The following PARD3 variants were observed in gnomAD, a reference collection of about 807,000 sequenced individuals.
PARD3 encodes the protein par-3 family cell polarity regulator, also known as partitioning defective 3 homolog.
PARD3 carries 75 observed loss-of-function variants against 155.4 expected under a neutral mutation model. The ratio of observed to expected loss-of-function variants is 0.48; its 90% confidence interval spans 0.40 to 0.58. The LOEUF is 0.58. Among genes scored for constraint, PARD3 ranks in the 20% least tolerant of loss-of-function variants. PARD3 has a pLI of 0.00. For synonymous variants in PARD3, 576 were observed against 610.5 expected (o/e 0.94, Z 0.83); for missense variants, 1,642 against 1,721.7 (o/e 0.95, Z 0.82).
intron 20 of PARD3, among the ~76,000 whole-genome samples, chr10:34,285,575 C>CAA (rs1052160950): frequency 5.3e-5 from 7 of 131,038 alleles, no homozygotes; most frequent in African/African-American, 1.9e-4. Context: ...GACCTTATTT[C>CAA]AAAAAAAAAA....
chr10:34,325,181 T>C (rs1225824975), intron 19 of PARD3, among the ~76,000 whole-genome samples: 1 of 152,144 alleles, frequency 6.6e-6, no homozygotes, highest in African/African-American at 2.4e-5. Flanking sequence ...GGCTAATCTT[T>C]GTATTTTTAG....
At chr10:34,715,937 T>C (rs1053757292) in intron 1 of PARD3, among the ~76,000 whole-genome samples, 3 of 152,210 alleles carry the variant, frequency 2.0e-5, no homozygotes, top group Non-Finnish European at 2.9e-5. Flanking sequence ...CTAACCTATT[T>C]TGTTTGAAAA....
At chr10:34,560,507 A>T (rs1359662210) in intron 2 of PARD3, among the ~76,000 whole-genome samples, 4 of 152,226 alleles carry the variant, frequency 2.6e-5, no homozygotes, top group Non-Finnish European at 4.4e-5. Flanking sequence ...AAAACAAAAC[A>T]ATCTACTAAG....
Position 34,208,804 on chromosome 10 carries a change from G to A in PARD3, c.3419+60853C>T, listed in dbSNP as rs75226588. Among the ~76,000 whole-genome samples, 6 of 152,108 alleles carry A rather than the reference G, an allele frequency of 3.9e-5. No homozygotes were observed. In the East Asian group the frequency reaches 9.6e-4, roughly 24 times the overall value. ...CAGCATGGTGTGGGGCAAGCATTCT[G>A]AGTTCCTTTCAGACATTTAACAATC... On this transcript the variant is annotated intron_variant, in intron 22 of 24. Coordinates refer to ENST00000374788, the MANE Select transcript of PARD3 (RefSeq NM_001184785.2).
chr10:34,402,927 A>G (rs758201143), intron 5 of PARD3, among the ~76,000 whole-genome samples: 5 of 152,184 alleles, frequency 3.3e-5, no homozygotes, highest in Non-Finnish European at 7.3e-5. Context: ...CACTATTATT[A>G]ATAGTTAAAA....
chr10:34,610,806 T>C (rs756277087), intron 2 of PARD3, among the ~76,000 whole-genome samples: 1 of 152,280 alleles, frequency 6.6e-6, no homozygotes, highest in South Asian at 2.1e-4. Context: ...AAGTTTGATA[T>C]GCAATAGAAC....
intron 1 of PARD3, among the ~76,000 whole-genome samples, chr10:34,797,387 A>T (rs945852695): frequency 1.3e-5 from 2 of 152,196 alleles, no homozygotes; most frequent in Non-Finnish European, 2.9e-5. Flanking sequence ...CCTGGCCTCA[A>T]GCAATCCTCC....
intron 22 of PARD3, among the ~76,000 whole-genome samples, chr10:34,145,207 ATATATATATATATATTTTTT>A (rs1227273628): frequency 1.9e-4 from 12 of 63,092 alleles, no homozygotes; most frequent in Non-Finnish European, 5.9e-5. Flanking sequence ...ATATATATAT[ATATATATATATATATTTTTT>A]TTTTTTTTTT....
intron 1 of PARD3, among the ~76,000 whole-genome samples, chr10:34,711,901 T>G (rs2094454172): frequency 6.6e-6 from 1 of 152,150 alleles, no homozygotes; most frequent in Admixed American, 6.6e-5. Context: ...TTATTCTAGT[T>G]TACATTCCAG....
intron 5 of PARD3, among the ~76,000 whole-genome samples, chr10:34,420,087 T>C (rs1049524879): frequency 6.6e-6 from 1 of 152,172 alleles, no homozygotes; most frequent in Non-Finnish European, 1.5e-5. Flanking sequence ...GAGTAGCTAG[T>C]ACTACAGATG....
chr10:34,620,642 G>T (rs753283031), intron 2 of PARD3, among the ~76,000 whole-genome samples: 8 of 152,152 alleles, frequency 5.3e-5, no homozygotes, highest in Non-Finnish European at 1.0e-4. Context: ...TACTTACAAA[G>T]CATCAGCTTA....
intron 22 of PARD3, among the ~76,000 whole-genome samples, chr10:34,203,490 T>G (rs1453477891): frequency 1.3e-5 from 2 of 152,206 alleles, no homozygotes; most frequent in African/African-American, 4.8e-5. Flanking sequence ...GATGTGCAAG[T>G]CTATTATATA....
intron 22 of PARD3, among the ~76,000 whole-genome samples, chr10:34,225,499 C>T (rs1588844454): frequency 6.6e-6 from 1 of 152,256 alleles, no homozygotes; most frequent in Non-Finnish European, 1.5e-5. Flanking sequence ...GCACACGCCA[C>T]CACACCCAGC....
chr10:34,390,636 T>A (rs1842793393), intron 7 of PARD3, among the ~76,000 whole-genome samples: 1 of 151,938 alleles, frequency 6.6e-6, no homozygotes, highest in Admixed American at 6.6e-5. Context: ...GTCCTGACAA[T>A]CCCCGTGCCA....
In PARD3 at chr10:34,601,818, G is replaced by A. The variant is rs577516719; in HGVS notation, c.223-84659C>T. On this transcript the variant is annotated intron_variant, in intron 2 of 24. Coordinates refer to ENST00000374788, the MANE Select transcript of PARD3 (RefSeq NM_001184785.2). ...ATTCTGTCATTCTACATGGGCCCTT[G>A]GACTTTTTATGTGTGCTTAAAATTT... is the stretch of plus-strand genomic sequence containing the variant. Among the ~76,000 whole-genome samples, 35 of 152,218 alleles carry A rather than the reference G, an allele frequency of 2.3e-4. 1 individual carries two copies. Among genetic ancestry groups the A allele is most frequent in the African/African-American group, 7.7e-4 (32 of 41,538 alleles).
chr10:34,145,227 T>A (rs1451268441), intron 22 of PARD3, among the ~76,000 whole-genome samples: 1,087 of 101,032 alleles, frequency 0.011, 8 homozygotes, highest in Middle Eastern at 0.014. Flanking sequence ...ATATATTTTT[T>A]TTTTTTTTTT....
intron 1 of PARD3, among the ~76,000 whole-genome samples, chr10:34,776,998 G>A (rs1839651408): frequency 6.8e-6 from 1 of 146,004 alleles, no homozygotes; most frequent in Non-Finnish European, 1.5e-5. Context: ...CACCATGTCT[G>A]GCTAATTTTT....
intron 2 of PARD3, among the ~76,000 whole-genome samples, chr10:34,598,544 T>C (rs2089492168): frequency 6.6e-6 from 1 of 152,226 alleles, no homozygotes; most frequent in Non-Finnish European, 1.5e-5. Context: ...AATATTTTTT[T>C]AAATCGAGGG....
intron 22 of PARD3, among the ~76,000 whole-genome samples, chr10:34,262,361 G>A (rs1955070764): frequency 6.6e-6 from 1 of 151,962 alleles, no homozygotes; most frequent in Admixed American, 6.6e-5. Context: ...CAAACTCCTG[G>A]GCTCAAGCAA....
Sources: allele counts gnomAD v4.1 joint callset (sites outside exome capture counted in the v4.1 genomes callset), GRCh38; gene constraint gnomAD v4.1.1; transcripts MANE v1.5; gene names NCBI Gene and HGNC (gene_info 2026-07-23, HGNC 2026-07-21).